Variants in MYLK observed in about 807,000 individuals in gnomAD.
MYLK encodes the protein myosin light chain kinase, smooth muscle.
Under a neutral mutation model 203.4 loss-of-function variants are expected in MYLK, and 106 were observed. That is an observed-to-expected ratio of 0.52 (90% CI 0.45 to 0.61). The LOEUF is 0.61. Ranked by LOEUF, MYLK falls within the 20% of genes least tolerant of loss-of-function variation. The probability of loss-of-function intolerance (pLI) is 0.00; values close to 1 mark genes in which losing one functional copy is unlikely to be tolerated. For missense variants in MYLK, 2,072 were observed against 2,442.3 expected (o/e 0.85, Z 3.20); for synonymous variants, 867 against 959.5 (o/e 0.90, Z 1.78).
At chr3:123,759,621 T>G (rs1423530586) in intron 4 of MYLK, among the ~76,000 whole-genome samples, 1 of 152,172 alleles carries the variant, frequency 6.6e-6, no homozygotes, top group Non-Finnish European at 1.5e-5. Flanking sequence ...GTAAAATGCC[T>G]CCTGGCCAAA....
intron 3 of MYLK, among the ~76,000 whole-genome samples, chr3:123,822,041 GTCC>G (rs2065955209): frequency 6.6e-6 from 1 of 152,100 alleles, no homozygotes; most frequent in East Asian, 1.9e-4. Context: ...TTAAAAAAAA[GTCC>G]AACCCTCCTC....
chr3:123,883,340 A>T (rs1028787978), intron 1 of MYLK, among the ~76,000 whole-genome samples: 1 of 152,112 alleles, frequency 6.6e-6, no homozygotes, highest in Non-Finnish European at 1.5e-5. Context: ...TCCCTGAATC[A>T]CAACAGCTAA....
chr3:123,640,369 G>T lies in MYLK; in HGVS notation c.4755C>A (p.Asp1585Glu). 2 of 1,613,898 alleles carry T rather than the reference G, an allele frequency of 1.2e-6. No homozygotes were observed. The highest frequency in any genetic ancestry group is 1.7e-6 in the Non-Finnish European group (2 of 1,179,996). The change falls in exon 28 of 34, where the codon GAC becomes GAA. Residue 1585 changes from aspartate to glutamate, a missense_variant. Transcript: ENST00000360304. The surrounding 1 kb of genome is among the most constrained non-coding windows in gnomAD (Gnocchi z 4.3). ...YIHKQGIVHL[D>E]LKPENIMCVN... is the part of the protein sequence containing the mutation. The stretch of plus-strand genomic sequence containing the variant: ...CACACATGATGTTCTCCGGCTTGAG[G>T]TCCAGGTGCACGATGCCCTGCTTGT...
At chr3:123,770,445 C>T (rs1448190485) in intron 4 of MYLK, among the ~76,000 whole-genome samples, 2 of 152,136 alleles carry the variant, frequency 1.3e-5, no homozygotes, top group African/African-American at 4.8e-5. Flanking sequence ...TGAAAGGAGC[C>T]GAGCATGAGT....
chr3:123,767,698 T>A (rs1054313918), intron 4 of MYLK, among the ~76,000 whole-genome samples: 2 of 152,144 alleles, frequency 1.3e-5, no homozygotes, highest in Non-Finnish European at 2.9e-5. Flanking sequence ...CATAGTGACC[T>A]CCAGGTCTGA....
At chr3:123,744,448 T>C (rs1470699735) in intron 5 of MYLK, among the ~76,000 whole-genome samples, 5 of 152,098 alleles carry the variant, frequency 3.3e-5, no homozygotes, top group Non-Finnish European at 7.4e-5. Flanking sequence ...ATGTATTATA[T>C]AAAAAAGAAA....
chr3:123,748,058 G>A (rs2063074262), intron 5 of MYLK, among the ~76,000 whole-genome samples: 2 of 152,226 alleles, frequency 1.3e-5, no homozygotes, highest in East Asian at 1.9e-4. Flanking sequence ...TATTTGGCTT[G>A]TGGTTCTGCA....
At chr3:123,672,207 GGAGAGAGA>G (rs3085308) in intron 20 of MYLK, among the ~76,000 whole-genome samples, 3 of 146,442 alleles carry the variant, frequency 2.0e-5, no homozygotes, top group Non-Finnish European at 3.0e-5. Flanking sequence ...GGCAGGGGGA[GGAGAGAGA>G]GAGAGAGAGA....
At chr3:123,872,837 G>A (rs2032893748) in intron 2 of MYLK, among the ~76,000 whole-genome samples, 1 of 152,026 alleles carries the variant, frequency 6.6e-6, no homozygotes, top group South Asian at 2.1e-4. Flanking sequence ...TTAAATCACT[G>A]GCCATTAATG....
At chr3:123,670,589 T>C (rs2059883629) in intron 20 of MYLK, among the ~76,000 whole-genome samples, 1 of 152,022 alleles carries the variant, frequency 6.6e-6, no homozygotes, top group African/African-American at 2.4e-5. Context: ...ACCCTGTCTC[T>C]GTAAAAAATA....
At chr3:123,849,224 T>C (rs1026104371) in intron 2 of MYLK, among the ~76,000 whole-genome samples, 3 of 152,186 alleles carry the variant, frequency 2.0e-5, no homozygotes, top group African/African-American at 7.2e-5. Context: ...GATCCACACC[T>C]TGGCCTCCTA....
intron 3 of MYLK, among the ~76,000 whole-genome samples, chr3:123,813,669 CCTGA>C (rs1207340449): frequency 1.3e-5 from 2 of 152,122 alleles, no homozygotes; most frequent in East Asian, 1.9e-4. Flanking sequence ...TGCGACCACG[CCTGA>C]CTAATTTTTG....
intron 27 of MYLK, among the ~76,000 whole-genome samples, chr3:123,646,408 T>C (rs1467129081): frequency 6.6e-6 from 1 of 152,202 alleles, no homozygotes; most frequent in African/African-American, 2.4e-5. Flanking sequence ...TTTGAGGTGA[T>C]TGTAGCATAT....
At chr3:123,732,870 G>C in intron 11 of MYLK, 26 bp downstream of exon 11, 1 of 1,606,058 alleles carries the variant, frequency 6.2e-7, no homozygotes, top group East Asian at 2.2e-5. Context: ...CAGAGAATGC[G>C]GGGTGACCTG....
Position 123,700,976 on chromosome 3 carries a change from A to C in MYLK, c.2492T>G (p.Leu831Arg), listed in dbSNP as rs1560097299. ...RGREPASCED[L>R]CGGGVGADGG... ...ATCAGCACCAACTCCTCCACCACAG[A>C]GGTCCTCGCAGCTGGCAGGCTCCCT... Residue 831 changes from leucine (L) to arginine (R), a missense_variant, in exon 18 of 34, where the codon CTC (leucine) becomes CGC (arginine). By Grantham distance (102) the Leu-to-Arg change is moderately radical. Transcript: ENST00000360304. 1.9e-6 allele frequency: 3 copies of C among 1,607,596 alleles called. No homozygotes were observed. Among genetic ancestry groups the C allele is most frequent in the Non-Finnish European group, 2.5e-6 (3 of 1,179,968 alleles).
intron 3 of MYLK, among the ~76,000 whole-genome samples, chr3:123,798,561 G>T (rs1158316949): frequency 6.6e-6 from 1 of 152,134 alleles, no homozygotes; most frequent in Non-Finnish European, 1.5e-5. Context: ...GAAATCTCCT[G>T]AAGGCCCCAG....
intron 27 of MYLK, among the ~76,000 whole-genome samples, chr3:123,641,807 T>C (rs985300633): frequency 7.5e-6 from 1 of 133,874 alleles, no homozygotes; most frequent in Non-Finnish European, 1.6e-5. Flanking sequence ...TTCCCTCCCT[T>C]GCCTCCCTCC....
At chr3:123,692,532 G>T in intron 19 of MYLK, 2 of 772,398 alleles carry the variant, frequency 2.6e-6, no homozygotes, top group Non-Finnish European at 4.2e-6. Context: ...AGCCATGTAG[G>T]TGATCAAGTA....
intron 4 of MYLK, among the ~76,000 whole-genome samples, chr3:123,792,756 T>C (rs2064829662): frequency 6.6e-6 from 1 of 152,148 alleles, no homozygotes. Flanking sequence ...CTCATCCTGG[T>C]AGTGCCCAGA....
Sources: allele counts gnomAD v4.1 joint callset (sites outside exome capture counted in the v4.1 genomes callset), GRCh38; gene constraint gnomAD v4.1.1; non-coding constraint Gnocchi (gnomAD v3.1); transcripts MANE v1.5; gene names NCBI Gene and HGNC (gene_info 2026-07-23, HGNC 2026-07-21).